PLXNA2: variants seen among roughly 807,000 people sequenced by gnomAD.
The protein encoded by PLXNA2 is plexin A2, also known as plexin-A2.
A neutral mutation model predicts 193.5 loss-of-function variants in PLXNA2; 91 were observed. That is an observed-to-expected ratio of 0.47 (90% CI 0.40 to 0.56). The LOEUF (loss-of-function observed/expected upper bound fraction) is 0.56, where lower values mean the gene tolerates loss of function less well. PLXNA2 is among the 20% of genes least tolerant of loss of function. PLXNA2 has a pLI of 0.00. For missense variants in PLXNA2, 1,995 were observed against 2,503.2 expected (o/e 0.80, Z 4.33); for synonymous variants, 997 against 1,027.3 (o/e 0.97, Z 0.56).
intron 29 of PLXNA2, chr1:208,030,419 G>A (rs1664463672): frequency 2.0e-6 from 2 of 985,590 alleles, no homozygotes; most frequent in South Asian, 9.4e-5. Context: ...CTGGGCCGGG[G>A]ATGCTCCAAA....
At chr1:208,123,804 G>A (rs774281079) in intron 4 of PLXNA2, among the ~76,000 whole-genome samples, 11 of 152,228 alleles carry the variant, frequency 7.2e-5, no homozygotes, top group Admixed American at 1.3e-4. Flanking sequence ...TGAGGTTGGA[G>A]GAGCTTCTAA....
At chr1:208,132,904 G>A (rs1206782287) in intron 4 of PLXNA2, among the ~76,000 whole-genome samples, 1 of 152,196 alleles carries the variant, frequency 6.6e-6, no homozygotes, top group Non-Finnish European at 1.5e-5. Flanking sequence ...GAAGCAACTT[G>A]CCCAAGGTCA....
intron 3 of PLXNA2, among the ~76,000 whole-genome samples, chr1:208,201,820 G>T (rs1670560688): frequency 6.6e-6 from 1 of 151,898 alleles, no homozygotes; most frequent in Non-Finnish European, 1.5e-5. Context: ...ATGCCCATGT[G>T]CCCAAGCTCT....
At chr1:208,097,185 C>T (rs1412172725) in intron 6 of PLXNA2, among the ~76,000 whole-genome samples, 3 of 152,160 alleles carry the variant, frequency 2.0e-5, no homozygotes, top group African/African-American at 4.8e-5. Context: ...TCCATCTAAG[C>T]CCCTGTTCAT....
chr1:208,036,042 A>G (rs1664660962), intron 26 of PLXNA2, among the ~76,000 whole-genome samples: 1 of 152,228 alleles, frequency 6.6e-6, no homozygotes, highest in Non-Finnish European at 1.5e-5. Context: ...ACTTGATGGT[A>G]TAAAGCTCCA....
intron 5 of PLXNA2, among the ~76,000 whole-genome samples, chr1:208,100,869 G>A (rs951825884): frequency 3.3e-5 from 5 of 152,130 alleles, no homozygotes; most frequent in African/African-American, 1.2e-4. Context: ...GTTACTGTCT[G>A]CCTTGTCACA....
At chr1:208,227,842 T>C (rs904241016) in intron 1 of PLXNA2, among the ~76,000 whole-genome samples, 1 of 152,212 alleles carries the variant, frequency 6.6e-6, no homozygotes, top group Non-Finnish European at 1.5e-5. Context: ...GAGGTTGAGA[T>C]GGGGCAGGAG....
chr1:208,131,439 T>C (rs570662052), intron 4 of PLXNA2, among the ~76,000 whole-genome samples: 1 of 152,306 alleles, frequency 6.6e-6, no homozygotes, highest in Non-Finnish European at 1.5e-5. Context: ...CTAAATGTTA[T>C]GGTCTAAATA....
intron 3 of PLXNA2, among the ~76,000 whole-genome samples, chr1:208,162,600 G>A (rs1051545089): frequency 3.3e-5 from 5 of 152,162 alleles, no homozygotes; most frequent in Non-Finnish European, 7.3e-5. Context: ...TGATCTCCAG[G>A]AGTTCACAAT....
At chr1:208,220,635 G>C (rs1251432633) in intron 1 of PLXNA2, among the ~76,000 whole-genome samples, 1 of 151,302 alleles carries the variant, frequency 6.6e-6, no homozygotes, top group Non-Finnish European at 1.5e-5. Context: ...GTAAAGACAG[G>C]GTTTCACCAT....
chr1:208,174,251 C>T (rs1327993083), intron 3 of PLXNA2, among the ~76,000 whole-genome samples: 2 of 152,158 alleles, frequency 1.3e-5, no homozygotes, highest in African/African-American at 4.8e-5. Flanking sequence ...GGAGTGGGGA[C>T]TTGCTATGGC....
At chr1:208,086,555 T>C (rs1666526182) in intron 9 of PLXNA2, among the ~76,000 whole-genome samples, 1 of 152,018 alleles carries the variant, frequency 6.6e-6, no homozygotes, top group African/African-American at 2.4e-5. Flanking sequence ...TAAGAGGGTC[T>C]GGACACACCG....
chr1:208,156,273 A>G (rs6656221), intron 3 of PLXNA2, among the ~76,000 whole-genome samples: 33,939 of 152,096 alleles, frequency 0.22, 4,747 homozygotes, highest in Non-Finnish European at 0.32. Flanking sequence ...CGAAAGAAGT[A>G]ATGAGTCTTC....
At chr1:208,188,082 T>C (rs12080342) in intron 3 of PLXNA2, among the ~76,000 whole-genome samples, 1,701 of 152,230 alleles carry the variant, frequency 0.011, 30 homozygotes, top group African/African-American at 0.039. Flanking sequence ...GACGCGCACC[T>C]GAATATTTAT....
rs535053454 is a variant in PLXNA2 at position 208,198,939 on chromosome 1, C to T, written c.1371+11341G>A. Among the ~76,000 whole-genome samples, 3 of 152,302 alleles carry T rather than the reference C, an allele frequency of 2.0e-5. No individual in the cohort carries two copies. The South Asian group carries it at 6.2e-4, about 32-fold the overall frequency. ...TGTTATATGTAAAATGGAAACAAGA[C>T]TAATGATTTTTACAATTTGCAAGGG... On this transcript the variant is annotated intron_variant, in intron 3 of 31. Transcript: ENST00000367033.
chr1:208,076,373 G>A (rs1373473016), intron 12 of PLXNA2, among the ~76,000 whole-genome samples: 1 of 152,102 alleles, frequency 6.6e-6, no homozygotes, highest in African/African-American at 2.4e-5. Context: ...AGCCACTGCA[G>A]CTGTCCCCCC....
At chr1:208,027,393 AT>A (rs1431066869) in intron 31 of PLXNA2, 55 bp from the exon 32 acceptor site, 1 of 1,450,906 alleles carries the variant, frequency 6.9e-7, no homozygotes, top group Non-Finnish European at 9.6e-7. Flanking sequence ...AGAAGACACC[AT>A]TTTCTGGAGT....
chr1:208,206,672 G>A (rs1670736335), intron 3 of PLXNA2, among the ~76,000 whole-genome samples: 1 of 149,980 alleles, frequency 6.7e-6, no homozygotes, highest in Non-Finnish European at 1.5e-5. Flanking sequence ...TTGCTGTTTT[G>A]TTTGAATTCT....
intron 23 of PLXNA2, 34 bp from the exon 24 acceptor site, chr1:208,039,801 C>A: frequency 6.2e-7 from 1 of 1,613,180 alleles, no homozygotes; most frequent in Non-Finnish European, 8.5e-7. Flanking sequence ...GGTGTGGGCA[C>A]GGCCTCCTCA....
Sources: gnomAD v4.1 joint callset for allele counts (sites outside exome capture counted in the v4.1 genomes callset) on GRCh38, gnomAD v4.1.1 for gene constraint, MANE v1.5 for transcripts, NCBI Gene and HGNC (gene_info 2026-07-23, HGNC 2026-07-21) for gene names.